The following ATE1 variants were observed in gnomAD, a reference collection of about 807,000 sequenced individuals.
ATE1 encodes the protein arginyl-tRNA--protein transferase 1.
ATE1 carries 36 observed loss-of-function variants against 70.5 expected under a neutral mutation model. The ratio of observed to expected loss-of-function variants is 0.51; its 90% CI spans 0.39 to 0.67. The LOEUF (loss-of-function observed/expected upper bound fraction) is 0.67, where lower values mean the gene tolerates loss of function less well. ATE1 is among the 30% of genes least tolerant of loss of function. The pLI is 0.00. For missense variants in ATE1, 593 were observed against 629.5 expected (o/e 0.94, Z 0.62); for synonymous variants, 232 against 219.3 (o/e 1.06, Z -0.51).
intron 11 of ATE1, among the ~76,000 whole-genome samples, chr10:121,787,424 A>G (rs1428071140): frequency 1.3e-5 from 2 of 152,234 alleles, no homozygotes; most frequent in East Asian, 3.8e-4. Context: ...ACATTCCAGC[A>G]TGTAACTGCA....
chr10:121,748,089 A>G (rs1944437378), intron 11 of ATE1, among the ~76,000 whole-genome samples: 1 of 152,224 alleles, frequency 6.6e-6, no homozygotes, highest in South Asian at 2.1e-4. Context: ...TAAAACCTTG[A>G]ATTTTTTAAA....
At chr10:121,898,546 G>A (rs1950861350) in intron 7 of ATE1, among the ~76,000 whole-genome samples, 1 of 152,128 alleles carries the variant, frequency 6.6e-6, no homozygotes, top group South Asian at 2.1e-4. Flanking sequence ...GTTCTGTGGT[G>A]CACAGTCTGG....
chr10:121,890,122 T>C (rs980984300), intron 7 of ATE1, among the ~76,000 whole-genome samples: 1 of 152,096 alleles, frequency 6.6e-6, no homozygotes, highest in African/African-American at 2.4e-5. Context: ...CTCCAAAAGT[T>C]TCAAAGTAGA....
chr10:121,906,839 T>C (rs1469654532), intron 5 of ATE1, among the ~76,000 whole-genome samples: 6 of 152,058 alleles, frequency 3.9e-5, no homozygotes, highest in Admixed American at 3.9e-4. Flanking sequence ...CCTCAGGTGA[T>C]CCGCCTGTCT....
intron 5 of ATE1, among the ~76,000 whole-genome samples, chr10:121,905,540 C>G (rs1377352975): frequency 6.6e-6 from 1 of 152,100 alleles, no homozygotes; most frequent in East Asian, 1.9e-4. Context: ...TACGTTACTA[C>G]AGTGGAAAGT....
chr10:121,892,190 G>C (rs1233671188), intron 7 of ATE1, among the ~76,000 whole-genome samples: 1 of 152,190 alleles, frequency 6.6e-6, no homozygotes, highest in Non-Finnish European at 1.5e-5. Context: ...TCTATCTGTA[G>C]GCCAAGGGTT....
intron 10 of ATE1, among the ~76,000 whole-genome samples, chr10:121,827,847 T>C (rs1948087691): frequency 6.6e-6 from 1 of 152,136 alleles, no homozygotes; most frequent in Non-Finnish European, 1.5e-5. Context: ...CCATAAACAA[T>C]GAACAATAAA....
At position 121,863,137 on chromosome 10, in the gene ATE1, T is replaced by C. The variant is rs145729940; in HGVS notation, c.975+6869A>G. On this transcript the variant is annotated intron_variant, in intron 8 of 11. Coordinates refer to ENST00000224652, the MANE Select transcript of ATE1 (RefSeq NM_001001976.3). ...TTCTATTAGTTTTTATTTCATGTTA[T>C]CTTGAGGCTCTATTAAGTGGATCGC... Among the ~76,000 whole-genome samples, 19 of 152,326 alleles carry C rather than the reference T, an allele frequency of 1.2e-4. No homozygotes were observed. The East Asian group carries it at 2.9e-3, about 23-fold the overall frequency.
chr10:121,912,126 G>A (rs1047654032), intron 4 of ATE1, among the ~76,000 whole-genome samples: 3 of 151,998 alleles, frequency 2.0e-5, no homozygotes, highest in Non-Finnish European at 2.9e-5. Flanking sequence ...TCCTGACCTC[G>A]TGATCCGCCT....
intron 10 of ATE1, among the ~76,000 whole-genome samples, chr10:121,812,119 C>A (rs1319484074): frequency 6.6e-6 from 1 of 151,958 alleles, no homozygotes; most frequent in Non-Finnish European, 1.5e-5. Context: ...CCACGCCTGA[C>A]TAATTTTTGT....
Position 121,742,530 on chromosome 10 carries a change from A to G in ATE1, c.*1150T>C, listed in dbSNP as rs1266866304. 5 of 152,242 alleles carry G rather than the reference A, an allele frequency of 3.3e-5. No individual in the cohort carries two copies. Among genetic ancestry groups the G allele is most frequent in the African/African-American group, 1.2e-4 (5 of 41,452 alleles). 9.4% of individuals were successfully genotyped at this position (152,242 alleles called of 1,614,324 possible). A position where few individuals can be genotyped will look rare whatever the true frequency, so the allele number is the denominator to read the frequency against. On this transcript the variant is annotated 3_prime_UTR_variant, in exon 12 of 12. Coordinates refer to ENST00000224652, the MANE Select transcript of ATE1 (RefSeq NM_001001976.3). ...CCTGTTTCCCAGACAGCTCGACTAT[A>G]GCTAAGAAGGGACATGTCTGACTGT... is the stretch of plus-strand genomic sequence containing the variant.
rs568317105 is a variant in ATE1, at chr10:121,772,815, A to T, written c.1378+17354T>A. ...ACTACAAATTGCTTTGCCGCTATTT[A>T]AAAAACTTGTTGGTTAATAGTCCAA... On this transcript the variant is annotated intron_variant, in intron 11 of 11. Coordinates refer to ENST00000224652, the MANE Select transcript of ATE1 (RefSeq NM_001001976.3). Among the ~76,000 whole-genome samples, 8 of 152,342 alleles carry T rather than the reference A, an allele frequency of 5.3e-5. No individual in the cohort carries two copies. In the East Asian group the frequency reaches 1.4e-3, roughly 26 times the overall value.
At chr10:121,876,291 T>C (rs1346888466) in intron 7 of ATE1, among the ~76,000 whole-genome samples, 2 of 152,220 alleles carry the variant, frequency 1.3e-5, no homozygotes, top group South Asian at 2.1e-4. Flanking sequence ...TTGCTCTAAA[T>C]GTTGATTTCA....
At chr10:121,769,251 G>T (rs1945402973) in intron 11 of ATE1, among the ~76,000 whole-genome samples, 1 of 152,140 alleles carries the variant, frequency 6.6e-6, no homozygotes, top group Non-Finnish European at 1.5e-5. Flanking sequence ...CACAAGTATG[G>T]CCAACTAATT....
chr10:121,926,700 G>A, intron 1 of ATE1: 11 of 983,020 alleles, frequency 1.1e-5, no homozygotes, highest in South Asian at 4.7e-5. Flanking sequence ...AAAAAGAGAA[G>A]GTAGAAATCC....
chr10:121,874,038 T>C (rs1378643061), intron 7 of ATE1, among the ~76,000 whole-genome samples: 1 of 152,200 alleles, frequency 6.6e-6, no homozygotes, highest in Non-Finnish European at 1.5e-5. Flanking sequence ...TTTCACTTAT[T>C]GTACCCTACT....
chr10:121,771,677 A>T (rs530090522), intron 11 of ATE1, among the ~76,000 whole-genome samples: 1 of 152,336 alleles, frequency 6.6e-6, no homozygotes, highest in African/African-American at 2.4e-5. Context: ...ATTTTATGCA[A>T]ACAAATTAGA....
chr10:121,805,217 C>T (rs1947049119), intron 10 of ATE1, among the ~76,000 whole-genome samples: 1 of 152,084 alleles, frequency 6.6e-6, no homozygotes, highest in Admixed American at 6.5e-5. Context: ...CTAGAATAAA[C>T]CAAATGTACT....
At chr10:121,893,563 CAT>C (rs1161565569) in intron 7 of ATE1, among the ~76,000 whole-genome samples, 1 of 151,802 alleles carries the variant, frequency 6.6e-6, no homozygotes. Flanking sequence ...GAATTTTTAA[CAT>C]AGATACATGT....
Sources: allele counts gnomAD v4.1 joint callset (sites outside exome capture counted in the v4.1 genomes callset), GRCh38; gene constraint gnomAD v4.1.1; transcripts MANE v1.5; gene names NCBI Gene and HGNC (gene_info 2026-07-23, HGNC 2026-07-21).